SPSB2: variants seen among roughly 807,000 people sequenced by gnomAD.
The protein encoded by SPSB2 is SPRY domain-containing SOCS box protein 2.
A neutral mutation model predicts 19.2 loss-of-function variants in SPSB2; 25 were observed. The observed-to-expected ratio is 1.30, with a 90% CI of 0.95 to 1.82. The LOEUF is 1.82. Ranked by LOEUF, SPSB2 falls within the 40% of genes most tolerant of loss-of-function variation. The pLI is 0.00. For synonymous variants in SPSB2, 153 were observed against 154.9 expected (o/e 0.99, Z 0.09); for missense variants, 413 against 344.9 (o/e 1.20, Z -1.56).
At position 6,872,933 on chromosome 12, in the gene SPSB2, A is replaced by T. The variant is rs782382559; in HGVS notation, c.-32T>A. The T allele has an allele frequency of 4.8e-6, 7 of 1,454,190 alleles. No individual in the cohort carries two copies. The Admixed American group carries it at 1.6e-4, about 33-fold the overall frequency. 90.1% of individuals were successfully genotyped at this position (1,454,190 alleles called of 1,614,324 possible). ...GAGGAGCTAGAGGACTCCCCGAAAG[A>T]GGCTTGCTGGGGCGTCTTTCTCTTC... is the stretch of plus-strand genomic sequence containing the variant. On this transcript the variant is annotated 5_prime_UTR_variant, in exon 2 of 3. Coordinates refer to ENST00000524270, the MANE Select transcript of SPSB2 (RefSeq NM_032641.4).
rs1555133916 is a variant in SPSB2 at position 6,872,529 on chromosome 12, C to G, written c.373G>C (p.Gly125Arg). The G allele has an allele frequency of 6.2e-7, 1 of 1,611,608 alleles. No individual in the cohort carries two copies. The highest frequency in any genetic ancestry group is 2.2e-5 in the East Asian group (1 of 44,878). Reference protein sequence around the residue: ...LQTDHYAALLGSNSESWGWDI... With the variant: ...LQTDHYAALLRSNSESWGWDI... ...CAGCCCCACGACTCGCTGTTGCTGC[C>G]CAGCAGCGCCGCGTAGTGGTCAGTC... The change falls in exon 2 of 3, where the codon GGC becomes CGC. Residue 125 changes from glycine to arginine, a missense_variant. Coordinates refer to ENST00000524270, the MANE Select transcript of SPSB2 (RefSeq NM_032641.4).
At chr12:6,871,684 C>A (rs1944597172) in intron 2 of SPSB2, 2 of 348,328 alleles carry the variant, frequency 5.7e-6, no homozygotes, top group South Asian at 8.1e-5. Flanking sequence ...AGCCCTGGAC[C>A]CAGTCAGTTC....
At position 6,872,291 on chromosome 12, in the gene SPSB2, C is replaced by A. The variant is rs1223844463; in HGVS notation, c.611G>T (p.Ser204Ile). 1.2e-6 allele frequency: 2 copies of A among 1,614,058 alleles called. No individual in the cohort carries two copies. Among genetic ancestry groups the A allele is most frequent in the Non-Finnish European group, 1.7e-6 (2 of 1,180,038 alleles). ...LKGRTLYPAV[S>I]AVWGQCQVRI... ...GACCTGGCACTGGCCCCAGACAGCGCTTACTGCCGGATAGAGGGTCCTGCC... is the reference window on the plus strand; with the variant it reads ...GACCTGGCACTGGCCCCAGACAGCGATTACTGCCGGATAGAGGGTCCTGCC... The change falls in exon 2 of 3, where the codon AGC becomes ATC. Residue 204 changes from serine (S) to isoleucine (I), a missense_variant. Coordinates refer to ENST00000524270, the MANE Select transcript of SPSB2 (RefSeq NM_032641.4).
At chr12:6,871,761 T>A (rs1555133519) in intron 2 of SPSB2, 1 of 367,104 alleles carries the variant, frequency 2.7e-6, no homozygotes, top group Non-Finnish European at 5.0e-6. Flanking sequence ...TCCTCCCTGG[T>A]GCCCAGGGCC....
Position 6,871,108 on chromosome 12 carries a change from T to A in SPSB2, c.*84A>T. 1 of 1,519,292 alleles carries A rather than the reference T, an allele frequency of 6.6e-7. No homozygotes were observed. 94.1% of individuals were successfully genotyped at this position (1,519,292 alleles called of 1,614,324 possible). On this transcript the variant is annotated 3_prime_UTR_variant, in exon 3 of 3. Transcript: ENST00000524270. ...CTCAGCCTCACCAGCTTTCAGCAGCTGGTCTAGGCCAGCAGTGCCTCCCCA... is the reference window on the plus strand; with the variant it reads ...CTCAGCCTCACCAGCTTTCAGCAGCAGGTCTAGGCCAGCAGTGCCTCCCCA...
rs148268318 is a variant in SPSB2, at chr12:6,872,634, C to G, written c.268G>C (p.Ala90Pro). ...GKRGYSRGLH[A>P]WEISWPLEQR... ...TCTAGGGGCCAGCTGATCTCCCAGGCGTGCAGGCCCCTTGAATAGCCCCTC... is the reference window on the plus strand; with the variant it reads ...TCTAGGGGCCAGCTGATCTCCCAGGGGTGCAGGCCCCTTGAATAGCCCCTC... Residue 90 changes from alanine (A) to proline (P), a missense_variant, in exon 2 of 3, where the codon GCC becomes CCC. By Grantham distance (27) the Ala-to-Pro change is conservative. Transcript: ENST00000524270. 1 of 1,611,146 alleles carries G rather than the reference C, an allele frequency of 6.2e-7. No homozygotes were observed.
In SPSB2 at chr12:6,872,516, T is replaced by C; in HGVS notation, c.386A>G (p.Glu129Gly). 1.9e-6 allele frequency: 3 copies of C among 1,612,240 alleles called. No homozygotes were observed. The highest frequency in any genetic ancestry group is 2.5e-6 in the Non-Finnish European group (3 of 1,179,870). The change falls in exon 2 of 3, where the codon GAG (glutamate) becomes GGG (glycine). Residue 129 changes from glutamate to glycine, a missense_variant. Coordinates refer to ENST00000524270, the MANE Select transcript of SPSB2 (RefSeq NM_032641.4). The stretch of plus-strand genomic sequence containing the variant: ...CCGCCCGATGTCCCAGCCCCACGAC[T>C]CGCTGTTGCTGCCCAGCAGCGCCGC... Reference protein sequence around the residue: ...HYAALLGSNSESWGWDIGRGK... With the variant: ...HYAALLGSNSGSWGWDIGRGK...
At position 6,871,050 on chromosome 12, in the gene SPSB2, T is replaced by C. The variant is rs959308727; in HGVS notation, c.*142A>G. On this transcript the variant is annotated 3_prime_UTR_variant, in exon 3 of 3. Coordinates refer to ENST00000524270, the MANE Select transcript of SPSB2 (RefSeq NM_032641.4). ...CTCCCTCCAAGTGGCTCTGGGGCTG[T>C]TGATTTCCGCAGAGCTTGGGTTGGG... 2.7e-6 allele frequency: 3 copies of C among 1,091,602 alleles called. No individual in the cohort carries two copies. Among genetic ancestry groups the C allele is most frequent in the East Asian group, 2.6e-5 (1 of 38,818 alleles). The allele number at this position is 1,091,602 out of a possible 1,614,324, so 67.6% of individuals were successfully genotyped here. A position where few individuals can be genotyped will look rare whatever the true frequency, so the allele number is the denominator to read the frequency against.
chr12:6,872,429 C>T lies in SPSB2; in HGVS notation c.473G>A (p.Gly158Asp). 6.2e-7 allele frequency: 1 copy of T among 1,614,232 alleles called. No individual in the cohort carries two copies. The highest frequency in any genetic ancestry group is 8.5e-7 in the Non-Finnish European group (1 of 1,180,038). ...GAPQYPAGTQ[G>D]EQLEVPERLL... Reference sequence around the variant, plus strand: ...TCTCTCTGGCACCTCCAGCTGCTCACCCTGAGTTCCCGCTGGATACTGGGG... The same window carrying T: ...TCTCTCTGGCACCTCCAGCTGCTCATCCTGAGTTCCCGCTGGATACTGGGG... Residue 158 changes from glycine (G) to aspartate (D), a missense_variant, in exon 2 of 3, where the codon GGT (glycine) becomes GAT (aspartate). Gly to Asp is a moderately conservative substitution (Grantham distance 94). Coordinates refer to ENST00000524270, the MANE Select transcript of SPSB2 (RefSeq NM_032641.4).
chr12:6,871,323 GGAGA>G lies in SPSB2; in HGVS notation c.665-8_665-5del. ...TGCAGAAGGGAGTGTGGCTCCGCTG[GGAGA>G]GAGAAGGAGGGGAATGTAAGTATGG... On this transcript the variant is annotated splice_region_variant and splice_polypyrimidine_tract_variant and intron_variant, in intron 2 of 2. Transcript: ENST00000524270. 2 of 1,610,944 alleles carry G rather than the reference GGAGA, an allele frequency of 1.2e-6. No homozygotes were observed. Among genetic ancestry groups the G allele is most frequent in the Non-Finnish European group, 1.7e-6 (2 of 1,178,738 alleles).
chr12:6,872,771 C>CG lies in SPSB2; in HGVS notation c.130dup (p.Arg44ProfsTer24). The CG allele has an allele frequency of 6.2e-7, 1 of 1,612,452 alleles. No homozygotes were observed. Among genetic ancestry groups the CG allele is most frequent in the Non-Finnish European group, 8.5e-7 (1 of 1,180,030 alleles). On this transcript the variant is annotated frameshift_variant, in exon 2 of 3. Transcript: ENST00000524270. LOFTEE classifies it high-confidence loss of function. ...GTCTTTGGGGTTCCAACCGTGGCGCCGCTGGGCCCCCAGGTCAGGAGGGGG... is the reference window on the plus strand; with the variant it reads ...GTCTTTGGGGTTCCAACCGTGGCGCCGGCTGGGCCCCCAGGTCAGGAGGGGG...
In SPSB2 at chr12:6,871,175, C is replaced by T. The variant is rs1010333975; in HGVS notation, c.*17G>A. ...GGTGGTGGCAAGACCTCAGCACAGT[C>T]TGTGGTATCACAGGGCTCACTGGTA... On this transcript the variant is annotated 3_prime_UTR_variant, in exon 3 of 3. Coordinates refer to ENST00000524270, the MANE Select transcript of SPSB2 (RefSeq NM_032641.4). 2 of 1,583,164 alleles carry T rather than the reference C, an allele frequency of 1.3e-6. No individual in the cohort carries two copies. The highest frequency in any genetic ancestry group is 1.7e-6 in the Non-Finnish European group (2 of 1,164,870).
rs923020537 is a variant in SPSB2 at position 6,872,828 on chromosome 12, C to T, written c.74G>A (p.Cys25Tyr). 1.9e-6 allele frequency: 3 copies of T among 1,611,570 alleles called. No individual in the cohort carries two copies. Among genetic ancestry groups the T allele is most frequent in the Non-Finnish European group, 1.7e-6 (2 of 1,179,998 alleles). ...CAGCAGCTCTTCCAAGCCCTCGGGA[C>T]AGGAGAGGTCAGGGTACAGGGCCTG... ...TPQALYPDLS[C>Y]PEGLEELLSA... is the part of the protein sequence containing the mutation. The change falls in exon 2 of 3, where the codon TGT becomes TAT. Residue 25 changes from cysteine to tyrosine, a missense_variant. Physicochemically the swap from Cys to Tyr is radical, Grantham distance 194. Coordinates refer to ENST00000524270, the MANE Select transcript of SPSB2 (RefSeq NM_032641.4).
In SPSB2 at chr12:6,871,023, T is replaced by C; in HGVS notation, c.*169A>G. On this transcript the variant is annotated 3_prime_UTR_variant, in exon 3 of 3. Coordinates refer to ENST00000524270, the MANE Select transcript of SPSB2 (RefSeq NM_032641.4). The stretch of plus-strand genomic sequence containing the variant: ...AGCCTTGAACGCCGGCTCCCTTTCT[T>C]CCTCCCTCCAAGTGGCTCTGGGGCT... 1.3e-6 allele frequency: 1 copy of C among 794,438 alleles called. No individual in the cohort carries two copies. The highest frequency in any genetic ancestry group is 2.0e-6 in the Non-Finnish European group (1 of 488,586). The allele number at this position is 794,438 out of a possible 1,614,324, so 49.2% of individuals were successfully genotyped here. A position where few individuals can be genotyped will look rare whatever the true frequency, so the allele number is the denominator to read the frequency against.
intron 2 of SPSB2, 127 bp downstream of exon 2, chr12:6,872,111 G>A: frequency 1.9e-6 from 3 of 1,611,684 alleles, no homozygotes; most frequent in Non-Finnish European, 2.5e-6. Flanking sequence ...GCCTTTCCCA[G>A]CACTGAACAG....
Position 6,872,413 on chromosome 12 carries a change from C to T in SPSB2, c.489G>A (p.Val163=). 5 of 1,614,238 alleles carry T rather than the reference C, an allele frequency of 3.1e-6. No homozygotes were observed. Among genetic ancestry groups the T allele is most frequent in the Non-Finnish European group, 4.2e-6 (5 of 1,180,042 alleles). Reference sequence around the variant, plus strand: ...CCAGAACCACCAGCAGTCTCTCTGGCACCTCCAGCTGCTCACCCTGAGTTC... The same window carrying T: ...CCAGAACCACCAGCAGTCTCTCTGGTACCTCCAGCTGCTCACCCTGAGTTC... ...PAGTQGEQLE[V]PERLLVVLDM... The change falls in exon 2 of 3, where the codon GTG becomes GTA. Residue 163 remains valine (V), a synonymous_variant. Transcript: ENST00000524270.
In SPSB2 at chr12:6,872,481, A is replaced by G; in HGVS notation, c.421T>C (p.Tyr141His). The G allele has an allele frequency of 6.2e-7, 1 of 1,613,554 alleles. No homozygotes were observed. Among genetic ancestry groups the G allele is most frequent in the Admixed American group, 1.7e-5 (1 of 60,020 alleles). The change falls in exon 2 of 3, where the codon TAC (tyrosine) becomes CAC (histidine). Residue 141 changes from tyrosine to histidine, a missense_variant. Tyr to His is a moderately conservative substitution (Grantham distance 83, BLOSUM62 2). Coordinates refer to ENST00000524270, the MANE Select transcript of SPSB2 (RefSeq NM_032641.4). ...WGWDIGRGKL[Y>H]HQSKGPGAPQ... ...GCTCCGGGCCCCTTGCTCTGATGGTACAGCTTCCCCCGCCCGATGTCCCAG... is the reference window on the plus strand; with the variant it reads ...GCTCCGGGCCCCTTGCTCTGATGGTGCAGCTTCCCCCGCCCGATGTCCCAG...
In SPSB2 at chr12:6,872,232, C is replaced by G. The variant is rs146686620; in HGVS notation, c.664+6G>C. ...AAGTTCTCCCCACGTCTGCCCCAGGCCTCACCTCTCCTTTCGCCCAGGTAG... is the reference window on the plus strand; with the variant it reads ...AAGTTCTCCCCACGTCTGCCCCAGGGCTCACCTCTCCTTTCGCCCAGGTAG... On this transcript the variant is annotated splice_donor_region_variant and intron_variant, in intron 2 of 2. Coordinates refer to ENST00000524270, the MANE Select transcript of SPSB2 (RefSeq NM_032641.4). 7.5e-5 allele frequency: 121 copies of G among 1,614,098 alleles called. No individual in the cohort carries two copies. The African/African-American group carries it at 1.4e-3, about 19-fold the overall frequency.
rs1277809153 is a variant in SPSB2, at chr12:6,870,938, CT to C, written c.*253del. 95 of 656,900 alleles carry C rather than the reference CT, an allele frequency of 1.4e-4. No homozygotes were observed. Among genetic ancestry groups the C allele is most frequent in the Non-Finnish European group, 2.5e-4 (91 of 361,474 alleles). The allele number at this position is 656,900 out of a possible 1,614,324, so 40.7% of individuals were successfully genotyped here. The stretch of plus-strand genomic sequence containing the variant: ...AAAAAAAAAAAACAAGAACAGGTTT[CT>C]ATAACAACATCTCTTACTATTTTTA... On this transcript the variant is annotated 3_prime_UTR_variant, in exon 3 of 3. Coordinates refer to ENST00000524270, the MANE Select transcript of SPSB2 (RefSeq NM_032641.4).
Sources: gnomAD v4.1 joint callset for allele counts on GRCh38, gnomAD v4.1.1 for gene constraint, MANE v1.5 for transcripts, NCBI Gene and HGNC (gene_info 2026-07-23, HGNC 2026-07-21) for gene names.